The following COL6A6 variants were observed in gnomAD, a reference collection of about 807,000 sequenced individuals.
COL6A6 encodes collagen alpha-6(VI) chain.
Under a neutral mutation model 208.6 loss-of-function variants are expected in COL6A6, and 183 were observed. The observed-to-expected ratio is 0.88, with a 90% CI of 0.78 to 0.99. COL6A6 has a LOEUF of 0.99. Ranked by LOEUF, COL6A6 falls within the 50% of genes least tolerant of loss-of-function variation. The probability of loss-of-function intolerance (pLI) is 0.00; values close to 1 mark genes in which losing one functional copy is unlikely to be tolerated. For missense variants in COL6A6, 2,816 were observed against 2,815.2 expected, an observed-to-expected ratio of 1.00 and a Z score of -0.01; for synonymous variants, 973 against 1,011.8, an observed-to-expected ratio of 0.96 and a Z score of 0.73.
chr3:130,584,564 TTTTC>T (rs2063493345), intron 10 of COL6A6, among the ~76,000 whole-genome samples: 1 of 152,064 alleles, frequency 6.6e-6, no homozygotes, highest in South Asian at 2.1e-4. Flanking sequence ...GTCACCCTAT[TTTTC>T]TTTGGTGGTT....
At chr3:130,526,168 G>A (rs776687094) in intron 1 of COL6A6, among the ~76,000 whole-genome samples, 1 of 152,098 alleles carries the variant, frequency 6.6e-6, no homozygotes, top group Non-Finnish European at 1.5e-5. Context: ...AAAAAGGTGG[G>A]AGGTAATTTT....
In COL6A6 at chr3:130,644,351, T is replaced by C. The variant is rs535764932; in HGVS notation, c.5228-640T>C. Among the ~76,000 whole-genome samples, 41 of 152,332 alleles carry C rather than the reference T, an allele frequency of 2.7e-4. 1 individual carries two copies. In the South Asian group the frequency reaches 7.5e-3, roughly 28 times the overall value. On this transcript the variant is annotated intron_variant, in intron 31 of 36. Transcript: ENST00000358511. ...CAGTACAGTAGCCACAAGACACATG[T>C]GGCTTTGAGCATTTCAAATGTGGCT...
chr3:130,592,531 C>G lies in COL6A6; in HGVS notation c.4273-10C>G. 2 of 1,579,714 alleles carry G rather than the reference C, an allele frequency of 1.3e-6. No individual in the cohort carries two copies. Among genetic ancestry groups the G allele is most frequent in the Non-Finnish European group, 1.7e-6 (2 of 1,158,550 alleles). ...AGAAAAAGCTCATTTGGATATGTGC[C>G]CTTTCTCAGGGAGAAAGAGGAGCCC... On this transcript the variant is annotated splice_polypyrimidine_tract_variant and intron_variant, in intron 13 of 36. Transcript: ENST00000358511.
chr3:130,603,625 C>T (rs771536728), intron 20 of COL6A6, among the ~76,000 whole-genome samples: 1 of 152,120 alleles, frequency 6.6e-6, no homozygotes, highest in Non-Finnish European at 1.5e-5. Flanking sequence ...CAACTGTAGC[C>T]TCAAATTAAT....
intron 1 of COL6A6, among the ~76,000 whole-genome samples, chr3:130,543,150 C>T (rs1165543555): frequency 6.6e-6 from 1 of 152,006 alleles, no homozygotes; most frequent in African/African-American, 2.4e-5. Flanking sequence ...GTGATCTGCC[C>T]ACCTCGGCCT....
At chr3:130,552,411 C>G (rs1553775031) in intron 1 of COL6A6, among the ~76,000 whole-genome samples, 1 of 151,956 alleles carries the variant, frequency 6.6e-6, no homozygotes, top group South Asian at 2.1e-4. Context: ...TTTTTTTTAT[C>G]TTTGTTGGTT....
intron 26 of COL6A6, 79 bp from the exon 27 acceptor site, chr3:130,634,511 C>A (rs2065050968): frequency 3.9e-6 from 5 of 1,273,106 alleles, no homozygotes; most frequent in African/African-American, 1.5e-5. Flanking sequence ...CTACACAGGG[C>A]AGCAGGTAAA....
intron 25 of COL6A6, among the ~76,000 whole-genome samples, chr3:130,626,852 G>A (rs568968439): frequency 1.4e-3 from 216 of 152,048 alleles, no homozygotes; most frequent in Middle Eastern, 3.4e-3. Flanking sequence ...GAGCCTCTTC[G>A]TCAGAAACCC....
intron 33 of COL6A6, among the ~76,000 whole-genome samples, 191 bp from the exon 34 acceptor site, chr3:130,658,485 C>T (rs1485785577): frequency 6.6e-6 from 1 of 152,094 alleles, no homozygotes; most frequent in Non-Finnish European, 1.5e-5. Flanking sequence ...AATAACTTGT[C>T]ATATAGTTAA....
At chr3:130,590,359 C>T (rs1307094724) in intron 12 of COL6A6, among the ~76,000 whole-genome samples, 2 of 110,812 alleles carry the variant, frequency 1.8e-5, no homozygotes, top group South Asian at 3.4e-4. Context: ...TTGTGCACAA[C>T]GTGCAGGTCT....
chr3:130,676,035 G>C lies in COL6A6; in HGVS notation c.*638G>C, dbSNP rs1274627470. On this transcript the variant is annotated 3_prime_UTR_variant, in exon 37 of 37. Coordinates refer to ENST00000358511, the MANE Select transcript of COL6A6 (RefSeq NM_001102608.3). ...AACATAAATTATTGCTTTTGAGCTG[G>C]AAGTTTTCTCTTCATTAGGAAGCTT... The C allele has an allele frequency of 6.6e-6, 1 of 152,152 alleles. No homozygotes were observed. Among genetic ancestry groups the C allele is most frequent in the Non-Finnish European group, 1.5e-5 (1 of 68,024 alleles). The allele number at this position is 152,152 out of a possible 1,614,324, so 9.4% of individuals were successfully genotyped here. A position where few individuals can be genotyped will look rare whatever the true frequency, so the allele number is the denominator to read the frequency against.
Position 130,563,515 on chromosome 3 carries a change from A to C in COL6A6, c.512A>C (p.Glu171Ala). ...IISVGVQKAS[E>A]ENLKAMATSQ... is the part of the protein sequence containing the mutation. ...TCTGTAGGGGTGCAGAAAGCTTCTG[A>C]GGAAAACCTGAAGGCCATGGCCACG... is the stretch of plus-strand genomic sequence containing the variant. The change falls in exon 3 of 37, where the codon GAG (glutamate) becomes GCG (alanine). Residue 171 changes from glutamate to alanine, a missense_variant. Physicochemically the swap from Glu to Ala is moderately radical, Grantham distance 107. Coordinates refer to ENST00000358511, the MANE Select transcript of COL6A6 (RefSeq NM_001102608.3). The C allele has an allele frequency of 6.2e-7, 1 of 1,614,028 alleles. No individual in the cohort carries two copies. The highest frequency in any genetic ancestry group is 1.3e-5 in the African/African-American group (1 of 75,054).
chr3:130,595,617 A>G (rs2063830273), intron 18 of COL6A6, among the ~76,000 whole-genome samples: 1 of 152,192 alleles, frequency 6.6e-6, no homozygotes, highest in African/African-American at 2.4e-5. Flanking sequence ...AGATGAATCA[A>G]TGTTGTGTAT....
chr3:130,620,882 G>T (rs2064695243), intron 23 of COL6A6, among the ~76,000 whole-genome samples: 1 of 152,180 alleles, frequency 6.6e-6, no homozygotes, highest in African/African-American at 2.4e-5. Context: ...GCTCACTGGG[G>T]TTGGGATTAT....
chr3:130,591,097 A>G lies in COL6A6; in HGVS notation c.4272+3A>G, dbSNP rs1283866386. 7 of 1,577,678 alleles carry G rather than the reference A, an allele frequency of 4.4e-6. No individual in the cohort carries two copies. Among genetic ancestry groups the G allele is most frequent in the Non-Finnish European group, 6.0e-6 (7 of 1,158,896 alleles). On this transcript the variant is annotated splice_donor_region_variant and intron_variant, in intron 13 of 36. Coordinates refer to ENST00000358511, the MANE Select transcript of COL6A6 (RefSeq NM_001102608.3). ...ACCTGGGAGAGGAGGGAATCGCTGT[A>G]AGTCAGGGCTCTTTTTTACCTCCAT...
chr3:130,658,824 G>A, intron 34 of COL6A6, 52 bp downstream of exon 34: 1 of 1,296,926 alleles, frequency 7.7e-7, no homozygotes, highest in South Asian at 1.2e-5. Flanking sequence ...AGCATGATGA[G>A]TCACCACTGG....
intron 35 of COL6A6, among the ~76,000 whole-genome samples, chr3:130,662,831 T>A (rs2065971112): frequency 6.6e-6 from 1 of 152,214 alleles, no homozygotes; most frequent in South Asian, 2.1e-4. Flanking sequence ...CAAAACTTTC[T>A]TAGCCTTGTT....
At position 130,622,344 on chromosome 3, in the gene COL6A6, C is replaced by G. The variant is rs75902100; in HGVS notation, c.4878+461C>G. ...GACATCTTTGTTTTGGTCATTGATT[C>G]CATCCTCCATGCTTAGAACAGTGCC... On this transcript the variant is annotated intron_variant, in intron 24 of 36. Transcript: ENST00000358511. 3.8e-3 allele frequency among the ~76,000 whole-genome samples: 584 copies of G among 151,938 alleles called. 5 individuals are homozygous for G. Among genetic ancestry groups the G allele is most frequent in the African/African-American group, 0.013 (557 of 41,416 alleles).
intron 10 of COL6A6, among the ~76,000 whole-genome samples, chr3:130,584,193 A>G (rs1444987452): frequency 2.0e-5 from 3 of 152,240 alleles, no homozygotes; most frequent in African/African-American, 7.2e-5. Context: ...GAAAGAAGAT[A>G]GGAGTCCCCT....
Sources: allele counts gnomAD v4.1 joint callset (sites outside exome capture counted in the v4.1 genomes callset), GRCh38; gene constraint gnomAD v4.1.1; transcripts MANE v1.5; gene names NCBI Gene and HGNC (gene_info 2026-07-23, HGNC 2026-07-21).